MTBP: variants seen among roughly 807,000 people sequenced by gnomAD.
MTBP encodes the protein MDM2 binding protein.
MTBP carries 101 observed loss-of-function variants against 117.0 expected under a neutral mutation model. The observed-to-expected ratio is 0.86, with a 90% CI of 0.73 to 1.02. The LOEUF is 1.02. Among genes scored for constraint, MTBP ranks in the 50% least tolerant of loss-of-function variants. MTBP has a pLI of 0.00. For missense variants in MTBP, 970 were observed against 1,030.9 expected (o/e 0.94, Z 0.81); for synonymous variants, 350 against 351.5 (o/e 1.00, Z 0.05).
Position 120,523,423 on chromosome 8 carries a change from A to G in MTBP, c.*87A>G. ...TTCTTAGTTTGAAAATTATAAACAAATTTTAAGCTTTATTCAAAGAATAGA... is the reference window on the plus strand; with the variant it reads ...TTCTTAGTTTGAAAATTATAAACAAGTTTTAAGCTTTATTCAAAGAATAGA... On this transcript the variant is annotated 3_prime_UTR_variant, in exon 22 of 22. Coordinates refer to ENST00000305949, the MANE Select transcript of MTBP (RefSeq NM_022045.5). 1.3e-6 allele frequency: 1 copy of G among 793,478 alleles called. No individual in the cohort carries two copies. The highest frequency in any genetic ancestry group is 2.0e-6 in the Non-Finnish European group (1 of 504,182). The allele number at this position is 793,478 out of a possible 1,614,324, so 49.2% of individuals were successfully genotyped here. A position where few individuals can be genotyped will look rare whatever the true frequency, so the allele number is the denominator to read the frequency against.
chr8:120,468,311 AC>A (rs1347772291), intron 10 of MTBP, among the ~76,000 whole-genome samples: 2 of 152,188 alleles, frequency 1.3e-5, no homozygotes, highest in African/African-American at 4.8e-5. Flanking sequence ...ATGGTTTCAG[AC>A]CATGAATTTT....
intron 11 of MTBP, among the ~76,000 whole-genome samples, chr8:120,481,625 T>C (rs1487260713): frequency 2.0e-5 from 3 of 152,156 alleles, no homozygotes; most frequent in African/African-American, 7.2e-5. Flanking sequence ...AGCAGATCAA[T>C]GGTTGTCTGA....
chr8:120,457,104 T>C (rs968867579), intron 7 of MTBP, among the ~76,000 whole-genome samples: 12 of 152,160 alleles, frequency 7.9e-5, no homozygotes, highest in African/African-American at 2.4e-4. Context: ...AATACTACCT[T>C]AGGTGATCTT....
Position 120,506,771 on chromosome 8 carries a change from T to G in MTBP, c.1793T>G (p.Ile598Ser), listed in dbSNP as rs774514044. 1.1e-5 allele frequency: 18 copies of G among 1,613,580 alleles called. No individual in the cohort carries two copies. The Admixed American group carries it at 3.0e-4, about 27-fold the overall frequency. The part of the protein sequence containing the change: ...LGHKEGPRDS[I>S]TLLDAKELLK... ...CACAAAGAGGGTCCTCGGGACTCAATCACATTGTTGGATGCTAAAGAATTG... is the reference window on the plus strand; with the variant it reads ...CACAAAGAGGGTCCTCGGGACTCAAGCACATTGTTGGATGCTAAAGAATTG... The change falls in exon 16 of 22, where the codon ATC (isoleucine) becomes AGC (serine). Residue 598 changes from isoleucine (I) to serine (S), a missense_variant. Transcript: ENST00000305949.
intron 18 of MTBP, among the ~76,000 whole-genome samples, 169 bp downstream of exon 18, chr8:120,516,360 GA>G: frequency 6.6e-6 from 1 of 151,902 alleles, no homozygotes; most frequent in South Asian, 2.1e-4. Context: ...AATGATTTGG[GA>G]AAAAAACACA....
chr8:120,478,426 C>A (rs550831563), intron 11 of MTBP, among the ~76,000 whole-genome samples: 1 of 151,850 alleles, frequency 6.6e-6, no homozygotes, highest in African/African-American at 2.4e-5. Flanking sequence ...TTGGTCTTTT[C>A]AATTTTATGT....
At chr8:120,475,976 A>G (rs1813927832) in intron 11 of MTBP, among the ~76,000 whole-genome samples, 1 of 152,024 alleles carries the variant, frequency 6.6e-6, no homozygotes, top group Non-Finnish European at 1.5e-5. Flanking sequence ...AATTCTCGAA[A>G]CAATACTGAG....
chr8:120,462,164 A>T (rs1381106815), intron 9 of MTBP, among the ~76,000 whole-genome samples: 1 of 152,182 alleles, frequency 6.6e-6, no homozygotes, highest in Non-Finnish European at 1.5e-5. Flanking sequence ...TATCCTAAAG[A>T]TAATGAGGAA....
At chr8:120,470,669 T>C (rs1333684822) in intron 10 of MTBP, 151 bp from the exon 11 acceptor site, 1 of 556,734 alleles carries the variant, frequency 1.8e-6, no homozygotes, top group Non-Finnish European at 3.1e-6. Flanking sequence ...CCATTGTTCT[T>C]ACTTTTTAGT....
chr8:120,508,607 T>C (rs1186646513), intron 16 of MTBP, among the ~76,000 whole-genome samples: 1 of 152,220 alleles, frequency 6.6e-6, no homozygotes, highest in Non-Finnish European at 1.5e-5. Flanking sequence ...CGAATGCTTA[T>C]CATAGTACCC....
chr8:120,451,149 A>G, intron 3 of MTBP, 22 bp from the exon 4 acceptor site: 1 of 1,588,724 alleles, frequency 6.3e-7, no homozygotes, highest in African/African-American at 1.4e-5. Flanking sequence ...CCATTATTTA[A>G]TACAATCTTT....
At chr8:120,506,651 C>G in intron 15 of MTBP, 55 bp from the exon 16 acceptor site, 5 of 1,205,664 alleles carry the variant, frequency 4.1e-6, no homozygotes, top group Non-Finnish European at 5.5e-6. Flanking sequence ...TTGACTCTGG[C>G]TTCTCTCTGG....
Position 120,518,689 on chromosome 8 carries a change from T to G in MTBP, c.2497-15T>G. On this transcript the variant is annotated splice_polypyrimidine_tract_variant and intron_variant, in intron 19 of 21. Coordinates refer to ENST00000305949, the MANE Select transcript of MTBP (RefSeq NM_022045.5). ...TTTCCAAGAAATATTCGTCATATGT[T>G]ATGTTCTGTTCAAGATACTGAAAGA... is the stretch of plus-strand genomic sequence containing the variant. 6.5e-7 allele frequency: 1 copy of G among 1,533,014 alleles called. No homozygotes were observed. The highest frequency in any genetic ancestry group is 1.1e-5 in the South Asian group (1 of 87,486). The allele number at this position is 1,533,014 out of a possible 1,614,324, so 95.0% of individuals were successfully genotyped here.
chr8:120,512,629 A>G (rs1814837264), intron 17 of MTBP, among the ~76,000 whole-genome samples: 2 of 152,124 alleles, frequency 1.3e-5, no homozygotes, highest in Non-Finnish European at 2.9e-5. Flanking sequence ...ATGTTATGAA[A>G]TTCTGATTCA....
chr8:120,498,548 T>C (rs887822738), intron 14 of MTBP, among the ~76,000 whole-genome samples: 1 of 152,214 alleles, frequency 6.6e-6, no homozygotes, highest in Non-Finnish European at 1.5e-5. Flanking sequence ...CCTCTGCTTC[T>C]TTATCTTTAA....
At chr8:120,511,382 G>A (rs1388640440) in intron 17 of MTBP, among the ~76,000 whole-genome samples, 1 of 152,102 alleles carries the variant, frequency 6.6e-6, no homozygotes, top group Non-Finnish European at 1.5e-5. Context: ...TGCAACCTCC[G>A]TTTCCCGGGT....
intron 11 of MTBP, among the ~76,000 whole-genome samples, chr8:120,474,102 T>C (rs1355125097): frequency 6.6e-6 from 1 of 152,072 alleles, no homozygotes; most frequent in Non-Finnish European, 1.5e-5. Context: ...ATCATGTGGC[T>C]TGATTTGATT....
At chr8:120,483,946 A>C (rs935662839) in intron 11 of MTBP, among the ~76,000 whole-genome samples, 1 of 152,146 alleles carries the variant, frequency 6.6e-6, no homozygotes, top group African/African-American at 2.4e-5. Context: ...TGGCATTTAC[A>C]TAAAAGTTAT....
chr8:120,483,839 TAGAC>T (rs1367005043), intron 11 of MTBP, among the ~76,000 whole-genome samples: 16 of 152,140 alleles, frequency 1.1e-4, no homozygotes, highest in African/African-American at 2.6e-4. Flanking sequence ...CAGTTGAAAA[TAGAC>T]AGACTTTTTT....
Sources: gnomAD v4.1 joint callset for allele counts (sites outside exome capture counted in the v4.1 genomes callset) on GRCh38, gnomAD v4.1.1 for gene constraint, MANE v1.5 for transcripts, NCBI Gene and HGNC (gene_info 2026-07-23, HGNC 2026-07-21) for gene names.